SCLY: variants seen among roughly 807,000 people sequenced by gnomAD.
The protein encoded by SCLY is selenocysteine lyase, also known as putative selenocysteine lyase.
Under a neutral mutation model 50.1 loss-of-function variants are expected in SCLY, and 38 were observed. The ratio of observed to expected loss-of-function variants is 0.76; its 90% confidence interval spans 0.59 to 0.99. The LOEUF is 0.99. SCLY is among the 50% of genes least tolerant of loss of function. SCLY has a pLI of 0.00. For synonymous variants in SCLY, 243 were observed against 249.4 expected (o/e 0.97, Z 0.24); for missense variants, 600 against 620.0 (o/e 0.97, Z 0.34).
intron 8 of SCLY, chr2:238,091,560 G>GTACT: frequency 5.7e-5 from 18 of 313,440 alleles, no homozygotes; most frequent in South Asian, 2.4e-4. Context: ...CATTCCCAAA[G>GTACT]GCGTCGGCAG....
Position 238,084,113 on chromosome 2 carries a change from C to T in SCLY, c.884+759C>T, listed in dbSNP as rs187227657. Among the ~76,000 whole-genome samples, 12 of 152,338 alleles carry T rather than the reference C, an allele frequency of 7.9e-5. No homozygotes were observed. In the East Asian group the frequency reaches 2.3e-3, roughly 29 times the overall value. On this transcript the variant is annotated intron_variant, in intron 7 of 11. Transcript: ENST00000254663. Reference sequence around the variant, plus strand: ...AAGATGGAGTGGGAAACCCAGACTTCCACCAATACAGGCTGTAACAAGGTA... The same window carrying T: ...AAGATGGAGTGGGAAACCCAGACTTTCACCAATACAGGCTGTAACAAGGTA...
chr2:238,096,832 G>A lies in SCLY; in HGVS notation c.1140G>A (p.Leu380=). 6.8e-6 allele frequency: 11 copies of A among 1,612,510 alleles called. No individual in the cohort carries two copies. Among genetic ancestry groups the A allele is most frequent in the Non-Finnish European group, 9.3e-6 (11 of 1,179,646 alleles). The change falls in exon 11 of 12, where the codon CTG becomes CTA. Residue 380 remains leucine (L), a synonymous_variant. Coordinates refer to ENST00000254663, the MANE Select transcript of SCLY (RefSeq NM_016510.7). Reference sequence around the variant, plus strand: ...TGGTGCTTGCGCAGTGCCGAGTGCTGATGGCCAGTGTGGGGGCCGCGTGCC... The same window carrying A: ...TGGTGCTTGCGCAGTGCCGAGTGCTAATGGCCAGTGTGGGGGCCGCGTGCC... ...GHVVLAQCRV[L]MASVGAACHS...
In SCLY at chr2:238,091,096, G is replaced by A. The variant is rs558771247; in HGVS notation, c.885-122G>A. 5.5e-6 allele frequency: 5 copies of A among 911,544 alleles called. No homozygotes were observed. In the South Asian group the frequency reaches 7.1e-5, roughly 13 times the overall value. 56.5% of individuals were successfully genotyped at this position (911,544 alleles called of 1,614,324 possible). A position where few individuals can be genotyped will look rare whatever the true frequency, so the allele number is the denominator to read the frequency against. On this transcript the variant is annotated intron_variant, in intron 7 of 11. Coordinates refer to ENST00000254663, the MANE Select transcript of SCLY (RefSeq NM_016510.7). ...GCAGCTGCCATTGAGATAGCCACATGGCGCGTGCTTAGGAAAGATGTAGCG... is the reference window on the plus strand; with the variant it reads ...GCAGCTGCCATTGAGATAGCCACATAGCGCGTGCTTAGGAAAGATGTAGCG...
rs2106446606 is a variant in SCLY, at chr2:238,082,026, T to A, written c.613-19T>A. 1 of 1,607,454 alleles carries A rather than the reference T, an allele frequency of 6.2e-7. No homozygotes were observed. The highest frequency in any genetic ancestry group is 2.2e-5 in the East Asian group (1 of 44,652). ...ATCAGATCGGAGCAACATACTCAAC[T>A]GTTTCCTTTCCCCGTCAGCCTGTCC... is the stretch of plus-strand genomic sequence containing the variant. On this transcript the variant is annotated intron_variant, in intron 5 of 11. Transcript: ENST00000254663.
rs146021037 is a variant in SCLY, at chr2:238,096,869, G to A, written c.1177G>A (p.Gly393Arg). Reference protein sequence around the residue: ...SVGAACHSDHGDQPSPVLLSY... With the variant: ...SVGAACHSDHRDQPSPVLLSY... ...GGGGGCCGCGTGCCACTCGGACCACGGGGACCAGTAAGTGCTCTTCACAAA... is the reference window on the plus strand; with the variant it reads ...GGGGGCCGCGTGCCACTCGGACCACAGGGACCAGTAAGTGCTCTTCACAAA... The change falls in exon 11 of 12, where the codon GGG (glycine) becomes AGG (arginine). Residue 393 changes from glycine to arginine, a missense_variant. Physicochemically the swap from Gly to Arg is moderately radical, Grantham distance 125. Transcript: ENST00000254663. The A allele has an allele frequency of 3.5e-5, 57 of 1,610,132 alleles. No individual in the cohort carries two copies. In the African/African-American group the frequency reaches 6.4e-4, roughly 18 times the overall value.
At chr2:238,062,936 CA>C (rs2065031928) in intron 1 of SCLY, among the ~76,000 whole-genome samples, 1 of 152,208 alleles carries the variant, frequency 6.6e-6, no homozygotes, top group African/African-American at 2.4e-5. Context: ...AAAAGATATA[CA>C]GATAAATTTT....
intron 10 of SCLY, 31 bp from the exon 11 acceptor site, chr2:238,096,770 C>T (rs2065440927): frequency 1.3e-6 from 2 of 1,591,540 alleles, no homozygotes; most frequent in African/African-American, 2.7e-5. Flanking sequence ...GCTGGAGCCC[C>T]ATCTCAGGGG....
In SCLY at chr2:238,098,633, G is replaced by GCACCGTCCACATA; in HGVS notation, c.*278_*279insCACCGTCCACATA. 1 of 226,886 alleles carries GCACCGTCCACATA rather than the reference G, an allele frequency of 4.4e-6. No homozygotes were observed. The highest frequency in any genetic ancestry group is 4.6e-5 in the East Asian group (1 of 21,958). 14.1% of individuals were successfully genotyped at this position (226,886 alleles called of 1,614,324 possible). A position where few individuals can be genotyped will look rare whatever the true frequency, so the allele number is the denominator to read the frequency against. On this transcript the variant is annotated 3_prime_UTR_variant, in exon 12 of 12. Transcript: ENST00000254663. ...ACCGCCCACATGGGACCGCCCACAT[G>GCACCGTCCACATA]GGACCGCCCACATGGGACCGCCCAC...
intron 6 of SCLY, chr2:238,082,849 A>T: frequency 3.3e-6 from 1 of 307,446 alleles, no homozygotes; most frequent in Non-Finnish European, 6.5e-6. Context: ...AGTTGGAAAC[A>T]TGGAATCATT....
chr2:238,074,732 C>T (rs1461183577), intron 4 of SCLY, among the ~76,000 whole-genome samples: 1 of 152,176 alleles, frequency 6.6e-6, no homozygotes, highest in East Asian at 1.9e-4. Flanking sequence ...ATCCCCCCGA[C>T]TTTGGCCTCT....
chr2:238,098,689 A>G lies in SCLY; in HGVS notation c.*334A>G. On this transcript the variant is annotated 3_prime_UTR_variant, in exon 12 of 12. Coordinates refer to ENST00000254663, the MANE Select transcript of SCLY (RefSeq NM_016510.7). ...ACCGTCCTCCAGTGGTGAAGCGGAAACACTTAGCTTTATCCACCCTCCCCA... is the reference window on the plus strand; with the variant it reads ...ACCGTCCTCCAGTGGTGAAGCGGAAGCACTTAGCTTTATCCACCCTCCCCA... 1 of 186,974 alleles carries G rather than the reference A, an allele frequency of 5.3e-6. No homozygotes were observed. The highest frequency in any genetic ancestry group is 9.0e-6 in the Non-Finnish European group (1 of 110,500). 11.6% of individuals were successfully genotyped at this position (186,974 alleles called of 1,614,324 possible).
intron 8 of SCLY, chr2:238,092,826 C>G (rs2065379875): frequency 6.5e-6 from 1 of 153,278 alleles, no homozygotes; most frequent in Non-Finnish European, 1.5e-5. Flanking sequence ...CGTGCTTTCC[C>G]TCACCCATTC....
intron 4 of SCLY, among the ~76,000 whole-genome samples, chr2:238,075,692 T>C (rs2065166255): frequency 6.6e-6 from 1 of 152,208 alleles, no homozygotes; most frequent in Admixed American, 6.5e-5. Flanking sequence ...GTAATCTTTT[T>C]TTATTTCTGT....
chr2:238,082,353 G>A, intron 6 of SCLY, 144 bp downstream of exon 6: 1 of 760,922 alleles, frequency 1.3e-6, no homozygotes, highest in South Asian at 1.9e-5. Context: ...CTTGTCCTCA[G>A]GAGCTTTAAG....
intron 1 of SCLY, 125 bp downstream of exon 1, chr2:238,061,268 C>T: frequency 1.3e-6 from 1 of 785,328 alleles, no homozygotes; most frequent in Non-Finnish European, 2.2e-6. Context: ...GCGGGGATGT[C>T]CGCGAGGTCG....
At chr2:238,073,890 C>G (rs1407811526) in intron 4 of SCLY, 1 of 408,882 alleles carries the variant, frequency 2.4e-6, no homozygotes, top group Non-Finnish European at 4.8e-6. Flanking sequence ...AGTATTTTTT[C>G]TCTAGCTTAC....
intron 4 of SCLY, chr2:238,079,075 T>C (rs1350714501): frequency 8.1e-6 from 1 of 123,732 alleles, no homozygotes; most frequent in African/African-American, 3.3e-5. Flanking sequence ...TTTCTTTTTT[T>C]TTTTTTTTTT....
chr2:238,066,645 C>G lies in SCLY; in HGVS notation c.203-1420C>G, dbSNP rs540743898. ...TTGGAACATCGTTTGAACACAGAGC[C>G]TACAGCATTTGCTGGTGGATTAATT... On this transcript the variant is annotated intron_variant, in intron 2 of 11. Transcript: ENST00000254663. This position sits in a 1 kb window ranked among gnomAD's most constrained non-coding sequence, Gnocchi z 4.1. Among the ~76,000 whole-genome samples the G allele has an allele frequency of 1.3e-5, 2 of 152,136 alleles. No individual in the cohort carries two copies. Among genetic ancestry groups the G allele is most frequent in the African/African-American group, 2.4e-5 (1 of 41,414 alleles).
chr2:238,095,501 C>T (rs1360400106), intron 10 of SCLY: 1 of 152,112 alleles, frequency 6.6e-6, no homozygotes, highest in Non-Finnish European at 1.5e-5. Context: ...GCAGAGAAAC[C>T]CAGCAGTCGT....
Sources: allele counts gnomAD v4.1 joint callset (sites outside exome capture counted in the v4.1 genomes callset), GRCh38; gene constraint gnomAD v4.1.1; non-coding constraint Gnocchi (gnomAD v3.1); transcripts MANE v1.5; gene names NCBI Gene and HGNC (gene_info 2026-07-23, HGNC 2026-07-21).